Variants in C8orf58 observed in about 807,000 individuals in gnomAD.
C8orf58 encodes uncharacterized protein C8orf58.
A neutral mutation model predicts 36.8 loss-of-function variants in C8orf58; 31 were observed. The ratio of observed to expected loss-of-function variants is 0.84; its 90% CI spans 0.63 to 1.14. The LOEUF (loss-of-function observed/expected upper bound fraction) is 1.14. Among genes scored for constraint, C8orf58 ranks in the 50% most tolerant of loss-of-function variants. The pLI is 0.00. For synonymous variants in C8orf58, 230 were observed against 200.2 expected (o/e 1.15, Z -1.26); for missense variants, 538 against 480.8 (o/e 1.12, Z -1.11).
intron 6 of C8orf58, 97 bp from the exon 7 acceptor site, chr8:22,603,098 G>C: frequency 1.1e-6 from 1 of 912,336 alleles, no homozygotes; most frequent in Non-Finnish European, 1.8e-6. Context: ...CCCACACCCA[G>C]CTACCCACCA....
At chr8:22,600,000 C>T (rs1800803990) in intron 1 of C8orf58, 1 of 351,850 alleles carries the variant, frequency 2.8e-6, no homozygotes, top group African/African-American at 2.1e-5. Flanking sequence ...CCCACTTCCT[C>T]CGGCTCCGCT....
intron 3 of C8orf58, 49 bp from the exon 4 acceptor site, chr8:22,601,923 G>T (rs753288002): frequency 6.5e-7 from 1 of 1,549,856 alleles, no homozygotes; most frequent in Non-Finnish European, 8.7e-7. Flanking sequence ...CCTCAGAGCA[G>T]CTTCAGCCCT....
chr8:22,601,075 C>G lies in C8orf58; in HGVS notation c.234C>G (p.Ser78Arg), dbSNP rs1259558308. 6.2e-7 allele frequency: 1 copy of G among 1,612,698 alleles called. No individual in the cohort carries two copies. The highest frequency in any genetic ancestry group is 1.1e-5 in the South Asian group (1 of 91,072). Residue 78 changes from serine (S) to arginine (R), a missense_variant, in exon 2 of 7, where the codon AGC becomes AGG. Transcript: ENST00000289989. ...GAGTGGAGATGGCAGTTGGGGACAGCCCCCTGGCCGCCTTACCGGGCCTTT... is the reference window on the plus strand; with the variant it reads ...GAGTGGAGATGGCAGTTGGGGACAGGCCCCTGGCCGCCTTACCGGGCCTTT... Reference protein sequence around the residue: ...DSGVEMAVGDSPLAALPGLSQ... With the variant: ...DSGVEMAVGDRPLAALPGLSQ...
At chr8:22,603,136 A>C in intron 6 of C8orf58, 59 bp from the exon 7 acceptor site, 3 of 1,263,418 alleles carry the variant, frequency 2.4e-6, no homozygotes, top group Non-Finnish European at 3.5e-6. Context: ...TCTCAACTCT[A>C]GGGCCATTGT....
At chr8:22,600,504 A>T (rs1396911467) in intron 1 of C8orf58, 1 of 243,942 alleles carries the variant, frequency 4.1e-6, no homozygotes, top group African/African-American at 2.3e-5. Flanking sequence ...CTGAAGCTGG[A>T]TACAGTCCTA....
In C8orf58 at chr8:22,601,701, A is replaced by G. The variant is rs1289647706; in HGVS notation, c.517-11A>G. 3 of 1,594,790 alleles carry G rather than the reference A, an allele frequency of 1.9e-6. No homozygotes were observed. The highest frequency in any genetic ancestry group is 1.4e-5 in the African/African-American group (1 of 74,020). Reference sequence around the variant, plus strand: ...TGGCTGAAATCTCCCCTATCTCACAATGTCCCACAGGTGGGGGGCCTGGGG... The same window carrying G: ...TGGCTGAAATCTCCCCTATCTCACAGTGTCCCACAGGTGGGGGGCCTGGGG... On this transcript the variant is annotated splice_polypyrimidine_tract_variant and intron_variant, in intron 2 of 6. Transcript: ENST00000289989.
rs1046766620 is a variant in C8orf58, at chr8:22,603,827, C to G, written c.*521C>G. 4.7e-6 allele frequency: 1 copy of G among 213,056 alleles called. No individual in the cohort carries two copies. The highest frequency in any genetic ancestry group is 1.2e-4 in the East Asian group (1 of 8,312). 13.2% of individuals were successfully genotyped at this position (213,056 alleles called of 1,614,324 possible). ...GCTTTCCTCCTCAGAGCCATGCTGG[C>G]AGCCCTGGGACAGAGAACGGTGTGG... is the stretch of plus-strand genomic sequence containing the variant. On this transcript the variant is annotated 3_prime_UTR_variant, in exon 7 of 7. Transcript: ENST00000289989.
In C8orf58 at chr8:22,603,225, T is replaced by G; in HGVS notation, c.1017T>G (p.Pro339=). The change falls in exon 7 of 7, where the codon CCT becomes CCG. Residue 339 remains proline (P), a synonymous_variant. Transcript: ENST00000289989. ...RIESRDLPER[P]QCRPHRKTFM... ...AGTCCAGGGACCTCCCTGAAAGGCC[T>G]CAGTGCCGCCCCCACCGGAAGACCT... The G allele has an allele frequency of 6.2e-7, 1 of 1,613,934 alleles. No individual in the cohort carries two copies.
intron 2 of C8orf58, 50 bp downstream of exon 2, chr8:22,601,407 C>T: frequency 7.1e-7 from 1 of 1,399,236 alleles, no homozygotes; most frequent in Non-Finnish European, 9.6e-7. Context: ...GACAGCCTAG[C>T]TCCTCTGGTT....
chr8:22,599,693 TGGCCGGGGCCGG>T lies in C8orf58; in HGVS notation c.-20_-9del. On this transcript the variant is annotated 5_prime_UTR_variant, in exon 1 of 7. Coordinates refer to ENST00000289989, the MANE Select transcript of C8orf58 (RefSeq NM_001013842.3). Reference sequence around the variant, plus strand: ...GGCCGGGATCCTCGGGCGGCTGCATTGGCCGGGGCCGGGGCCGGGAGCGGGCCATGATGGGCC... The same window carrying T: ...GGCCGGGATCCTCGGGCGGCTGCATTGGCCGGGAGCGGGCCATGATGGGCC... 5.9e-6 allele frequency: 7 copies of T among 1,190,632 alleles called. No homozygotes were observed. The highest frequency in any genetic ancestry group is 7.3e-6 in the Non-Finnish European group (7 of 957,860). The allele number at this position is 1,190,632 out of a possible 1,614,324, so 73.8% of individuals were successfully genotyped here.
At chr8:22,601,626 T>C in intron 2 of C8orf58, 86 bp from the exon 3 acceptor site, 1 of 1,461,056 alleles carries the variant, frequency 6.8e-7, no homozygotes, top group African/African-American at 1.4e-5. Context: ...TCTGCTCCCA[T>C]CTGCTGGCTG....
intron 6 of C8orf58, chr8:22,602,960 T>A: frequency 1.7e-6 from 1 of 593,298 alleles, no homozygotes. Flanking sequence ...ACCTTCCAGG[T>A]TCGTGGGGAG....
intron 1 of C8orf58, 189 bp downstream of exon 1, chr8:22,599,949 A>C (rs1185750582): frequency 2.7e-6 from 1 of 365,144 alleles, no homozygotes. Flanking sequence ...GCAGGCTGGA[A>C]CCCCTTTGGG....
rs1363151789 is a variant in C8orf58 at position 22,603,694 on chromosome 8, G to A, written c.*388G>A. Reference sequence around the variant, plus strand: ...TGACTGTCAGTGTTGCAAGCTGGCTGGATCCAACCATCTCTTCTGAAATAA... The same window carrying A: ...TGACTGTCAGTGTTGCAAGCTGGCTAGATCCAACCATCTCTTCTGAAATAA... On this transcript the variant is annotated 3_prime_UTR_variant, in exon 7 of 7. Transcript: ENST00000289989. 8.9e-6 allele frequency: 3 copies of A among 336,458 alleles called. No homozygotes were observed. In the East Asian group the frequency reaches 2.3e-4, roughly 26 times the overall value. The allele number at this position is 336,458 out of a possible 1,614,324, so 20.8% of individuals were successfully genotyped here.
rs1416486726 is a variant in C8orf58 at position 22,601,152 on chromosome 8, A to G, written c.311A>G (p.Gln104Arg). The change falls in exon 2 of 7, where the codon CAG becomes CGG. Residue 104 changes from glutamine to arginine, a missense_variant. Coordinates refer to ENST00000289989, the MANE Select transcript of C8orf58 (RefSeq NM_001013842.3). ...TCAGGGAGTTCTGAGCCCCCCGCCC[A>G]GGTAGGCCGACTCCTGGCCAGCCAG... ...ESSGSSEPPA[Q>R]VGRLLASQKL... 3.7e-6 allele frequency: 6 copies of G among 1,610,718 alleles called. No individual in the cohort carries two copies. The highest frequency in any genetic ancestry group is 3.4e-6 in the Non-Finnish European group (4 of 1,179,348).
In C8orf58 at chr8:22,602,658, C is replaced by T. The variant is rs1331740614; in HGVS notation, c.986+15C>T. 4 of 1,491,434 alleles carry T rather than the reference C, an allele frequency of 2.7e-6. No homozygotes were observed. Among genetic ancestry groups the T allele is most frequent in the Admixed American group, 2.1e-5 (1 of 46,928 alleles). The allele number at this position is 1,491,434 out of a possible 1,614,324, so 92.4% of individuals were successfully genotyped here. On this transcript the variant is annotated intron_variant, in intron 6 of 6. Transcript: ENST00000289989. The stretch of plus-strand genomic sequence containing the variant: ...TCTGACCCCAGGTGAGCCCCGTGCC[C>T]AGCCCAGGTTAGGGCACGGAGAGGA...
rs1289912754 is a variant in C8orf58, at chr8:22,599,756, C to G, written c.36C>G (p.Gly12=). 3.3e-5 allele frequency: 40 copies of G among 1,218,668 alleles called. No homozygotes were observed. The highest frequency in any genetic ancestry group is 4.0e-5 in the Non-Finnish European group (39 of 979,256). 75.5% of individuals were successfully genotyped at this position (1,218,668 alleles called of 1,614,324 possible). Residue 12 remains glycine (G), a synonymous_variant, in exon 1 of 7, where the codon GGC becomes GGG. Coordinates refer to ENST00000289989, the MANE Select transcript of C8orf58 (RefSeq NM_001013842.3). ...GGCGGCGCGCCTTCGCCGTGGACGGCCGGGGTGAGTCACCCACCCCCAGGC... is the reference window on the plus strand; with the variant it reads ...GGCGGCGCGCCTTCGCCGTGGACGGGCGGGGTGAGTCACCCACCCCCAGGC... The part of the protein sequence containing the change: ...MGRRRAFAVD[G]RDGAGEGLAR...
chr8:22,603,957 T>C lies in C8orf58; in HGVS notation c.*651T>C, dbSNP rs1269131115. 6.0e-6 allele frequency: 1 copy of C among 165,322 alleles called. No homozygotes were observed. The highest frequency in any genetic ancestry group is 2.4e-5 in the African/African-American group (1 of 41,590). The allele number at this position is 165,322 out of a possible 1,614,324, so 10.2% of individuals were successfully genotyped here. A position where few individuals can be genotyped will look rare whatever the true frequency, so the allele number is the denominator to read the frequency against. ...GGAACTGAATAACTTTCAAAGCCAGTGCTCAGCTTCTCTGCTCCGTACTAG... is the reference window on the plus strand; with the variant it reads ...GGAACTGAATAACTTTCAAAGCCAGCGCTCAGCTTCTCTGCTCCGTACTAG... On this transcript the variant is annotated 3_prime_UTR_variant, in exon 7 of 7. Coordinates refer to ENST00000289989, the MANE Select transcript of C8orf58 (RefSeq NM_001013842.3).
intron 5 of C8orf58, 103 bp from the exon 6 acceptor site, chr8:22,602,434 G>T: frequency 7.5e-7 from 1 of 1,331,028 alleles, no homozygotes; most frequent in South Asian, 1.2e-5. Flanking sequence ...TTCCTGTTTG[G>T]AGCAGGCGAC....
Sources: gnomAD v4.1 joint callset for allele counts on GRCh38, gnomAD v4.1.1 for gene constraint, MANE v1.5 for transcripts, NCBI Gene and HGNC (gene_info 2026-07-23, HGNC 2026-07-21) for gene names.